KIF16B: variants seen among roughly 807,000 people sequenced by gnomAD.
KIF16B encodes kinesin family member 16B.
A neutral mutation model predicts 156.3 loss-of-function variants in KIF16B; 98 were observed. The observed-to-expected ratio is 0.63, with a 90% CI of 0.53 to 0.74. The LOEUF (loss-of-function observed/expected upper bound fraction) is 0.74, where lower values mean the gene tolerates loss of function less well. KIF16B is among the 30% of genes least tolerant of loss of function. KIF16B has a pLI of 0.00. For missense variants in KIF16B, 1,421 were observed against 1,606.5 expected, an observed-to-expected ratio of 0.88 and a Z score of 1.97; for synonymous variants, 564 against 583.7, an observed-to-expected ratio of 0.97 and a Z score of 0.49.
At chr20:16,296,985 G>A (rs6080212) in intron 25 of KIF16B, among the ~76,000 whole-genome samples, 23,039 of 152,198 alleles carry the variant, frequency 0.15, 1,886 homozygotes, top group Non-Finnish European at 0.17. Context: ...CTGTCTTACC[G>A]CCTGAAGCTG....
At chr20:16,416,831 C>A (rs1193856994) in intron 15 of KIF16B, among the ~76,000 whole-genome samples, 1 of 151,940 alleles carries the variant, frequency 6.6e-6, no homozygotes, top group East Asian at 1.9e-4. Flanking sequence ...TGCTTCCCAG[C>A]TTGGTCTAGG....
chr20:16,522,949 A>G (rs997762878), intron 3 of KIF16B, among the ~76,000 whole-genome samples: 7 of 152,188 alleles, frequency 4.6e-5, no homozygotes, highest in Non-Finnish European at 1.0e-4. Flanking sequence ...GATTATCTCA[A>G]CAGACGCAGA....
chr20:16,497,054 TG>T (rs1246631196), intron 11 of KIF16B, among the ~76,000 whole-genome samples: 2 of 152,030 alleles, frequency 1.3e-5, no homozygotes, highest in African/African-American at 4.8e-5. Flanking sequence ...GCCATAAAAC[TG>T]GTTTTTCAAA....
At chr20:16,384,934 C>T (rs546773665) in intron 17 of KIF16B, among the ~76,000 whole-genome samples, 9 of 152,208 alleles carry the variant, frequency 5.9e-5, no homozygotes, top group Admixed American at 2.0e-4. Context: ...CGGTGGCTCA[C>T]ACCTGTAATC....
intron 22 of KIF16B, chr20:16,367,877 C>T (rs931607955): frequency 6.5e-7 from 1 of 1,539,240 alleles, no homozygotes. Context: ...AGAAGACCCT[C>T]TGCAGAGCTC....
At chr20:16,491,221 C>T (rs562368089) in intron 12 of KIF16B, among the ~76,000 whole-genome samples, 81 of 152,226 alleles carry the variant, frequency 5.3e-4, no homozygotes, top group Admixed American at 6.5e-5. Flanking sequence ...CCCAAAGCCC[C>T]GGTGCACACA....
chr20:16,509,144 A>T (rs1193892753), intron 6 of KIF16B, among the ~76,000 whole-genome samples: 1 of 152,226 alleles, frequency 6.6e-6, no homozygotes, highest in Non-Finnish European at 1.5e-5. Flanking sequence ...TACATTAAAG[A>T]ACATTCTGTA....
At chr20:16,484,191 A>G (rs1350860376) in intron 12 of KIF16B, among the ~76,000 whole-genome samples, 1 of 152,190 alleles carries the variant, frequency 6.6e-6, no homozygotes, top group Non-Finnish European at 1.5e-5. Flanking sequence ...TGCTCCAGAA[A>G]TGTTATTCAA....
rs150474117 is a variant in KIF16B, at chr20:16,348,946, T to C, written c.3621+7384A>G. On this transcript the variant is annotated intron_variant, in intron 23 of 25. Coordinates refer to ENST00000354981, the MANE Select transcript of KIF16B (RefSeq NM_024704.5). ...GATATGCACCCTCTGGGATGACAGC[T>C]AAGTCTCCCCTGAACTGACCAGCCT... Among the ~76,000 whole-genome samples the C allele has an allele frequency of 1.1e-3, 166 of 152,296 alleles. 3 individuals are homozygous for C. The Middle Eastern group carries it at 0.024, about 22-fold the overall frequency.
intron 12 of KIF16B, among the ~76,000 whole-genome samples, chr20:16,439,130 T>A (rs1360485833): frequency 6.6e-6 from 1 of 152,124 alleles, no homozygotes; most frequent in Non-Finnish European, 1.5e-5. Context: ...AGAAATCACC[T>A]TTGAATCCTC....
At chr20:16,567,532 C>T (rs2071297565) in intron 1 of KIF16B, among the ~76,000 whole-genome samples, 1 of 152,192 alleles carries the variant, frequency 6.6e-6, no homozygotes, top group Non-Finnish European at 1.5e-5. Context: ...AACGTCACTA[C>T]ATAAAGGGCT....
rs762760780 is a variant in KIF16B, at chr20:16,421,110, G to A, written c.1612+5994C>T. Reference sequence around the variant, plus strand: ...ATAGCTACCTAAGACCCATTTCCAAGAGACTTGGCTGTCATCTGTTAATTC... The same window carrying A: ...ATAGCTACCTAAGACCCATTTCCAAAAGACTTGGCTGTCATCTGTTAATTC... On this transcript the variant is annotated intron_variant, in intron 15 of 25. Coordinates refer to ENST00000354981, the MANE Select transcript of KIF16B (RefSeq NM_024704.5). Among the ~76,000 whole-genome samples the A allele has an allele frequency of 1.1e-3, 167 of 152,130 alleles. 1 individual carries two copies. Among genetic ancestry groups the A allele is most frequent in the Non-Finnish European group, 1.6e-3 (109 of 68,026 alleles).
chr20:16,447,213 T>C (rs191054346), intron 12 of KIF16B, among the ~76,000 whole-genome samples: 28 of 152,178 alleles, frequency 1.8e-4, no homozygotes, highest in African/African-American at 6.7e-4. Flanking sequence ...TCTAAAAAGA[T>C]CTACTATGGC....
At chr20:16,411,081 A>G (rs2065942026) in intron 15 of KIF16B, among the ~76,000 whole-genome samples, 1 of 152,006 alleles carries the variant, frequency 6.6e-6, no homozygotes, top group African/African-American at 2.4e-5. Flanking sequence ...ATACTTTATC[A>G]CCACAAATCT....
intron 3 of KIF16B, among the ~76,000 whole-genome samples, chr20:16,525,760 T>C (rs720593): frequency 6.6e-6 from 1 of 152,138 alleles, no homozygotes; most frequent in Admixed American, 6.5e-5. Context: ...TTCTTTACTG[T>C]GCTTCGCAGC....
Position 16,327,804 on chromosome 20 carries a change from C to T in KIF16B, c.3711+8122G>A, listed in dbSNP as rs181876608. ...GAAGCTGGCTGTATTCTATTTTTGT[C>T]TGCATAGCTGTTTGCTATTTAGAAA... On this transcript the variant is annotated intron_variant, in intron 24 of 25. Coordinates refer to ENST00000354981, the MANE Select transcript of KIF16B (RefSeq NM_024704.5). Among the ~76,000 whole-genome samples, 139 of 152,178 alleles carry T rather than the reference C, an allele frequency of 9.1e-4. 1 individual carries two copies. Among genetic ancestry groups the T allele is most frequent in the Non-Finnish European group, 3.2e-4 (22 of 68,010 alleles).
chr20:16,374,406 T>C lies in KIF16B; in HGVS notation c.3201A>G (p.Leu1067=). 6.4e-7 allele frequency: 1 copy of C among 1,561,230 alleles called. No homozygotes were observed. The highest frequency in any genetic ancestry group is 8.7e-7 in the Non-Finnish European group (1 of 1,149,504). The stretch of plus-strand genomic sequence containing the variant: ...GTTTCAGCTGCTGGATTTCATATTC[T>C]AACCTACACAGATAGGAGCCACATA... ...QEALEKDQER[L]EYEIQQLKQK... The change falls in exon 20 of 26, where the codon TTA becomes TTG. Residue 1067 remains leucine, a synonymous_variant. Transcript: ENST00000354981.
At chr20:16,376,223 A>T (rs750641484) in intron 19 of KIF16B, among the ~76,000 whole-genome samples, 4 of 152,358 alleles carry the variant, frequency 2.6e-5, no homozygotes, top group African/African-American at 9.6e-5. Flanking sequence ...AGTATTAACA[A>T]CTTGCCTCTG....
intron 25 of KIF16B, among the ~76,000 whole-genome samples, chr20:16,287,215 C>T (rs1209190345): frequency 6.6e-6 from 1 of 152,162 alleles, no homozygotes; most frequent in Non-Finnish European, 1.5e-5. Context: ...TCTTTGGTTT[C>T]TATTTATAAT....
Sources: gnomAD v4.1 joint callset for allele counts (sites outside exome capture counted in the v4.1 genomes callset) on GRCh38, gnomAD v4.1.1 for gene constraint, MANE v1.5 for transcripts, NCBI Gene and HGNC (gene_info 2026-07-23, HGNC 2026-07-21) for gene names.